The following ARID4A variants were observed in gnomAD, a reference collection of about 807,000 sequenced individuals.
The protein encoded by ARID4A is AT-rich interactive domain-containing protein 4A.
In ARID4A, 39 loss-of-function variants were observed where a neutral mutation model predicts 148.6. The ratio of observed to expected loss-of-function variants is 0.26; its 90% CI spans 0.20 to 0.34. The LOEUF (loss-of-function observed/expected upper bound fraction) is 0.34, where lower values mean the gene tolerates loss of function less well. Among genes scored for constraint, ARID4A ranks in the 10% least tolerant of loss-of-function variants. ARID4A has a pLI of 1.00. For missense variants in ARID4A, 1,265 were observed against 1,449.1 expected, an observed-to-expected ratio of 0.87 and a Z score of 2.06; for synonymous variants, 475 against 481.2, an observed-to-expected ratio of 0.99 and a Z score of 0.17.
intron 15 of ARID4A, among the ~76,000 whole-genome samples, chr14:58,350,846 A>G (rs1318703715): frequency 1.3e-5 from 2 of 152,082 alleles, no homozygotes; most frequent in African/African-American, 2.4e-5. Flanking sequence ...ATTCTGACAG[A>G]TATTTCTTAG....
chr14:58,318,948 ACC>A, intron 7 of ARID4A, 143 bp downstream of exon 7: 1 of 627,390 alleles, frequency 1.6e-6, no homozygotes, highest in Non-Finnish European at 2.7e-6. Context: ...CCCTGAGTGG[ACC>A]TTGTTCTTAA....
rs549710891 is a variant in ARID4A at position 58,343,784 on chromosome 14, C to T, written c.907-911C>T. On this transcript the variant is annotated intron_variant, in intron 11 of 23. Coordinates refer to ENST00000355431, the MANE Select transcript of ARID4A (RefSeq NM_002892.4). ...GGCAGAGGCTGCAGTGAGCCGAGGT[C>T]GTGCCATTACACTCCAGCCTAGGCA... Among the ~76,000 whole-genome samples, 9 of 151,336 alleles carry T rather than the reference C, an allele frequency of 5.9e-5. No homozygotes were observed. In the South Asian group the frequency reaches 1.7e-3, roughly 28 times the overall value.
intron 8 of ARID4A, 125 bp downstream of exon 8, chr14:58,323,742 A>G (rs1394598975): frequency 5.1e-6 from 4 of 778,330 alleles, no homozygotes; most frequent in Non-Finnish European, 8.3e-6. Context: ...GAGATTTTTT[A>G]ATTGAATAAT....
At chr14:58,369,361 C>CA (rs1261886604) in intron 23 of ARID4A, among the ~76,000 whole-genome samples, 1 of 152,096 alleles carries the variant, frequency 6.6e-6, no homozygotes, top group African/African-American at 2.4e-5. Context: ...CACAGCGGCT[C>CA]ACGCCTGTAA....
chr14:58,342,054 C>T (rs1334507075), intron 11 of ARID4A, among the ~76,000 whole-genome samples: 1 of 152,096 alleles, frequency 6.6e-6, no homozygotes, highest in Non-Finnish European at 1.5e-5. Context: ...ATTAAGAGCC[C>T]CATACAAAAG....
chr14:58,338,485 T>C (rs1012216524), intron 11 of ARID4A, among the ~76,000 whole-genome samples: 13 of 152,090 alleles, frequency 8.5e-5, no homozygotes, highest in Admixed American at 5.2e-4. Flanking sequence ...TCTTAACATC[T>C]CTCCTTCCAT....
chr14:58,312,257 C>G (rs2032097952), intron 5 of ARID4A, among the ~76,000 whole-genome samples: 1 of 148,264 alleles, frequency 6.7e-6, no homozygotes, highest in South Asian at 2.1e-4. Flanking sequence ...CGCTTTGTTG[C>G]CCAGGCTGGA....
chr14:58,351,976 G>A, intron 16 of ARID4A, among the ~76,000 whole-genome samples: 1 of 152,158 alleles, frequency 6.6e-6, no homozygotes, highest in African/African-American at 2.4e-5. Context: ...GATCAAGGTA[G>A]TCTCTGACCA....
Position 58,344,685 on chromosome 14 carries a change from A to T in ARID4A, c.907-10A>T. The T allele has an allele frequency of 6.3e-7, 1 of 1,598,632 alleles. No individual in the cohort carries two copies. Among genetic ancestry groups the T allele is most frequent in the South Asian group, 1.1e-5 (1 of 89,472 alleles). On this transcript the variant is annotated splice_polypyrimidine_tract_variant and intron_variant, in intron 11 of 23. Coordinates refer to ENST00000355431, the MANE Select transcript of ARID4A (RefSeq NM_002892.4). Reference sequence around the variant, plus strand: ...ACTGTGCCATACATTTATATATTTTATCTTTACAGCCTGAGGAAGAACTTG... The same window carrying T: ...ACTGTGCCATACATTTATATATTTTTTCTTTACAGCCTGAGGAAGAACTTG...
chr14:58,367,167 T>C, intron 23 of ARID4A, 138 bp downstream of exon 23: 1 of 665,262 alleles, frequency 1.5e-6, no homozygotes, highest in Non-Finnish European at 2.2e-6. Flanking sequence ...TTTCTATTGT[T>C]GAAATGAGTA....
Position 58,328,309 on chromosome 14 carries a change from T to C in ARID4A, c.655T>C (p.Ser219Pro), listed in dbSNP as rs1349326037. Reference protein sequence around the residue: ...DQCLVRSFIDSKFYSIARKDI... With the variant: ...DQCLVRSFIDPKFYSIARKDI... ...GTGTTTAGTTCGATCATTTATTGAT[T>C]CTAAATTGTGAGTAATGAATCCTTT... is the stretch of plus-strand genomic sequence containing the variant. The change falls in exon 9 of 24, where the codon TCT becomes CCT. Residue 219 changes from serine to proline, a missense_variant. Physicochemically the swap from Ser to Pro is moderately conservative, Grantham distance 74 (BLOSUM62 -1). Coordinates refer to ENST00000355431, the MANE Select transcript of ARID4A (RefSeq NM_002892.4). 6.3e-7 allele frequency: 1 copy of C among 1,592,952 alleles called. No individual in the cohort carries two copies. Among genetic ancestry groups the C allele is most frequent in the Non-Finnish European group, 8.6e-7 (1 of 1,161,590 alleles).
intron 3 of ARID4A, among the ~76,000 whole-genome samples, chr14:58,302,551 G>A (rs1395477370): frequency 6.6e-6 from 1 of 150,860 alleles, no homozygotes; most frequent in African/African-American, 2.4e-5. Flanking sequence ...CCAGCTACTC[G>A]GGAGGCTGAG....
chr14:58,372,124 G>A lies in ARID4A; in HGVS notation c.*135G>A. 1 of 617,924 alleles carries A rather than the reference G, an allele frequency of 1.6e-6. No individual in the cohort carries two copies. Among genetic ancestry groups the A allele is most frequent in the African/African-American group, 1.8e-5 (1 of 54,502 alleles). 38.3% of individuals were successfully genotyped at this position (617,924 alleles called of 1,614,324 possible). A position where few individuals can be genotyped will look rare whatever the true frequency, so the allele number is the denominator to read the frequency against. Reference sequence around the variant, plus strand: ...CCTGTATACTTTTCCAGGCTGGATTGTATCTATTCCCCTCTCTCTTCTTTT... The same window carrying A: ...CCTGTATACTTTTCCAGGCTGGATTATATCTATTCCCCTCTCTCTTCTTTT... On this transcript the variant is annotated 3_prime_UTR_variant, in exon 24 of 24. Transcript: ENST00000355431.
At chr14:58,337,387 C>G (rs2033888105) in intron 11 of ARID4A, among the ~76,000 whole-genome samples, 1 of 150,768 alleles carries the variant, frequency 6.6e-6, no homozygotes, top group African/African-American at 2.4e-5. Flanking sequence ...TTTGTTTTTT[C>G]CTTTTCCTAC....
chr14:58,351,722 A>G (rs1566711892), intron 16 of ARID4A: 1 of 157,394 alleles, frequency 6.4e-6, no homozygotes, highest in South Asian at 2.0e-4. Flanking sequence ...ACAGTACTAG[A>G]GATGTTTCTG....
chr14:58,368,960 T>G (rs80242373), intron 23 of ARID4A, among the ~76,000 whole-genome samples: 2,348 of 152,272 alleles, frequency 0.015, 60 homozygotes, highest in African/African-American at 0.054. Context: ...GGAAAGAGAT[T>G]GCCACCTTGA....
chr14:58,370,274 G>T (rs1206914197), intron 23 of ARID4A, among the ~76,000 whole-genome samples: 1 of 152,224 alleles, frequency 6.6e-6, no homozygotes, highest in Middle Eastern at 3.2e-3. Flanking sequence ...TCCTAAAGGT[G>T]ACATACATTT....
Position 58,319,700 on chromosome 14 carries a change from G to A in ARID4A, c.449+895G>A, listed in dbSNP as rs567542322. Among the ~76,000 whole-genome samples the A allele has an allele frequency of 4.0e-5, 6 of 149,258 alleles. No homozygotes were observed. The South Asian group carries it at 1.1e-3, about 26-fold the overall frequency. ...GTTGGGATTACAGACACACCATCAC[G>A]CCTGGCTAGTTTTTGTATTCTTAAT... On this transcript the variant is annotated intron_variant, in intron 7 of 23. Coordinates refer to ENST00000355431, the MANE Select transcript of ARID4A (RefSeq NM_002892.4).
At chr14:58,367,385 T>G (rs2035403478) in intron 23 of ARID4A, among the ~76,000 whole-genome samples, 1 of 152,250 alleles carries the variant, frequency 6.6e-6, no homozygotes, top group African/African-American at 2.4e-5. Context: ...ATAAGGCTTA[T>G]TCTCAAGGAG....
Sources: gnomAD v4.1 joint callset for allele counts (sites outside exome capture counted in the v4.1 genomes callset) on GRCh38, gnomAD v4.1.1 for gene constraint, MANE v1.5 for transcripts, NCBI Gene and HGNC (gene_info 2026-07-23, HGNC 2026-07-21) for gene names.